Variants in C11orf16 observed in about 807,000 individuals in gnomAD.
The protein encoded by C11orf16 is uncharacterized protein C11orf16.
A neutral mutation model predicts 45.1 loss-of-function variants in C11orf16; 38 were observed. That is an observed-to-expected ratio of 0.84 (90% CI 0.65 to 1.10). The LOEUF (loss-of-function observed/expected upper bound fraction) is 1.10, where lower values mean the gene tolerates loss of function less well. C11orf16 is among the 50% of genes least tolerant of loss of function. The pLI, the probability that C11orf16 is intolerant of heterozygous loss-of-function variation, is 0.00. For synonymous variants in C11orf16, 221 were observed against 222.0 expected (o/e 1.00, Z 0.04); for missense variants, 583 against 569.5 (o/e 1.02, Z -0.24).
chr11:8,925,001 T>TA (rs2064600131), intron 5 of C11orf16, among the ~76,000 whole-genome samples: 2 of 152,188 alleles, frequency 1.3e-5, no homozygotes, highest in African/African-American at 2.4e-5. Flanking sequence ...CCCGCTCACT[T>TA]ACTGAGGGAA....
intron 1 of C11orf16, 131 bp from the exon 2 acceptor site, chr11:8,932,457 C>T (rs79360333): frequency 0.029 from 17,784 of 622,416 alleles, 325 homozygotes; most frequent in East Asian, 0.039. Flanking sequence ...CCTACCTGCT[C>T]CCACAAACTC....
In C11orf16 at chr11:8,920,454, TAAA is replaced by T; in HGVS notation, c.*23-7_*23-5del. ...ATTTACCATGTTTATTCTTTACCTA[TAAA>T]AGGGGGAAAAATTCCATACATTGTT... On this transcript the variant is annotated splice_region_variant and splice_polypyrimidine_tract_variant and intron_variant, in intron 6 of 6. Transcript: ENST00000326053. 1 of 671,914 alleles carries T rather than the reference TAAA, an allele frequency of 1.5e-6. No individual in the cohort carries two copies. The highest frequency in any genetic ancestry group is 2.3e-5 in the Admixed American group (1 of 44,400). The allele number at this position is 671,914 out of a possible 1,614,324, so 41.6% of individuals were successfully genotyped here. A position where few individuals can be genotyped will look rare whatever the true frequency, so the allele number is the denominator to read the frequency against.
At chr11:8,932,709 C>T (rs1278257115) in intron 1 of C11orf16, among the ~76,000 whole-genome samples, 192 bp downstream of exon 1, 4 of 152,308 alleles carry the variant, frequency 2.6e-5, no homozygotes, top group South Asian at 2.1e-4. Flanking sequence ...TCCTCCTCCC[C>T]GGCCACCTAC....
At chr11:8,932,436 C>T in intron 1 of C11orf16, 110 bp from the exon 2 acceptor site, 1 of 828,574 alleles carries the variant, frequency 1.2e-6, no homozygotes, top group African/African-American at 1.7e-5. Context: ...ACAGTTGAGT[C>T]CATGCACGGC....
chr11:8,924,512 T>G (rs2064595590), intron 5 of C11orf16, among the ~76,000 whole-genome samples: 1 of 21,782 alleles, frequency 4.6e-5, no homozygotes, highest in Non-Finnish European at 2.7e-3. Flanking sequence ...GGCAACAGAG[T>G]GAGACTCTTT....
intron 5 of C11orf16, among the ~76,000 whole-genome samples, chr11:8,923,979 A>G (rs2064591847): frequency 6.6e-6 from 1 of 151,690 alleles, no homozygotes; most frequent in Non-Finnish European, 1.5e-5. Context: ...ACAGAAGCCC[A>G]GGACCCACCT....
intron 1 of C11orf16, 138 bp downstream of exon 1, chr11:8,932,763 C>G (rs1476302598): frequency 6.5e-6 from 1 of 154,264 alleles, no homozygotes; most frequent in East Asian, 1.9e-4. Flanking sequence ...TCAGGGCCGT[C>G]CATCCCCTTT....
At chr11:8,931,355 C>T (rs2064648845) in intron 2 of C11orf16, among the ~76,000 whole-genome samples, 1 of 152,108 alleles carries the variant, frequency 6.6e-6, no homozygotes, top group Admixed American at 6.5e-5. Context: ...TCCTGAGTAG[C>T]TGGGAATACA....
chr11:8,922,773 T>C (rs937583989), intron 5 of C11orf16, among the ~76,000 whole-genome samples: 1 of 152,228 alleles, frequency 6.6e-6, no homozygotes, highest in Middle Eastern at 3.2e-3. Flanking sequence ...GCACATTTCC[T>C]TTAAAAGATA....
intron 5 of C11orf16, among the ~76,000 whole-genome samples, chr11:8,922,594 G>A (rs1394875024): frequency 1.3e-5 from 2 of 152,208 alleles, no homozygotes; most frequent in Non-Finnish European, 1.5e-5. Flanking sequence ...CTCACTGCCT[G>A]TAACTGAAAG....
At chr11:8,925,395 A>G in intron 5 of C11orf16, 68 bp downstream of exon 5, 1 of 1,394,880 alleles carries the variant, frequency 7.2e-7, no homozygotes, top group Non-Finnish European at 9.8e-7. Context: ...CCTAAGGGAC[A>G]TGTGGGAGGG....
chr11:8,924,696 C>T (rs2064597034), intron 5 of C11orf16, among the ~76,000 whole-genome samples: 2 of 152,192 alleles, frequency 1.3e-5, no homozygotes, highest in South Asian at 4.1e-4. Context: ...GTTCCTTCAC[C>T]TCACAGCCTC....
At chr11:8,929,613 C>G (rs2064637727) in intron 2 of C11orf16, 80 bp from the exon 3 acceptor site, 1 of 1,303,096 alleles carries the variant, frequency 7.7e-7, no homozygotes. Context: ...GCAGGTACAT[C>G]TGAGGTACAC....
In C11orf16 at chr11:8,929,441, C is replaced by G. The variant is rs374446769; in HGVS notation, c.260G>C (p.Trp87Ser). Residue 87 changes from tryptophan to serine, a missense_variant, in exon 3 of 7, where the codon TGG (tryptophan) becomes TCG (serine). Trp to Ser is a radical substitution (Grantham distance 177, BLOSUM62 -3). Transcript: ENST00000326053. Reference protein sequence around the residue: ...LGRAGDAANTWVLARREADGF... With the variant: ...LGRAGDAANTSVLARREADGF... ...ATCTGCTTCCCTTCTTGCTAGGACC[C>G]ATGTGTTGGCAGCATCTCCAGCTCT... 1.1e-4 allele frequency: 180 copies of G among 1,614,176 alleles called. No homozygotes were observed. The highest frequency in any genetic ancestry group is 4.5e-4 in the Admixed American group (27 of 60,014).
chr11:8,929,359 C>G lies in C11orf16; in HGVS notation c.324+18G>C, dbSNP rs2064635295. The G allele has an allele frequency of 6.2e-7, 1 of 1,610,696 alleles. No individual in the cohort carries two copies. Among genetic ancestry groups the G allele is most frequent in the Non-Finnish European group, 8.5e-7 (1 of 1,178,222 alleles). On this transcript the variant is annotated intron_variant, in intron 3 of 6. Coordinates refer to ENST00000326053, the MANE Select transcript of C11orf16 (RefSeq NM_020643.3). ...CCCAGAGGAGCACGCCAGGGAGATA[C>G]TGGGGTCAGGGACTTGCCTCGGGAG...
chr11:8,921,229 C>T (rs2064570273), intron 6 of C11orf16, 65 bp downstream of exon 6: 2 of 1,307,108 alleles, frequency 1.5e-6, no homozygotes, highest in South Asian at 2.6e-5. Context: ...GGGGATGTGA[C>T]CCAAAAGGTC....
At chr11:8,929,841 G>T (rs2064638933) in intron 2 of C11orf16, among the ~76,000 whole-genome samples, 1 of 152,170 alleles carries the variant, frequency 6.6e-6, no homozygotes, top group Non-Finnish European at 1.5e-5. Context: ...CAACAGACTG[G>T]AAAAGTGTGG....
intron 6 of C11orf16, 61 bp downstream of exon 6, chr11:8,921,233 A>G: frequency 7.4e-7 from 1 of 1,357,636 alleles, no homozygotes; most frequent in Non-Finnish European, 1.0e-6. Context: ...ATGTGACCCA[A>G]AAGGTCTAAG....
intron 2 of C11orf16, among the ~76,000 whole-genome samples, chr11:8,931,935 C>G (rs949162851): frequency 1.3e-5 from 2 of 152,210 alleles, no homozygotes; most frequent in Admixed American, 6.5e-5. Flanking sequence ...TCTGCTAAAG[C>G]CAGATCAACC....
Sources: gnomAD v4.1 joint callset for allele counts (sites outside exome capture counted in the v4.1 genomes callset) on GRCh38, gnomAD v4.1.1 for gene constraint, MANE v1.5 for transcripts, NCBI Gene and HGNC (gene_info 2026-07-23, HGNC 2026-07-21) for gene names.